Variants in NRBP2 observed in about 807,000 individuals in gnomAD.
The protein encoded by NRBP2 is nuclear receptor binding protein 2, also known as nuclear receptor-binding protein 2.
A neutral mutation model predicts 74.4 loss-of-function variants in NRBP2; 47 were observed. The observed-to-expected ratio is 0.63, with a 90% CI of 0.50 to 0.81. NRBP2 has a LOEUF of 0.81. Ranked by LOEUF, NRBP2 falls within the 30% of genes least tolerant of loss-of-function variation. The pLI is 0.00. For synonymous variants in NRBP2, 312 were observed against 273.8 expected (o/e 1.14, Z -1.38); for missense variants, 613 against 690.1 (o/e 0.89, Z 1.25).
At chr8:143,831,876 T>C (rs531635351), downstream of NRBP2, among the ~76,000 whole-genome samples, 69 of 152,340 alleles carry the variant, frequency 4.5e-4, 2 homozygotes, top group African/African-American at 1.6e-3. Context: ...TTCTTGGAAC[T>C]AGAAGAAAAT....
chr8:143,840,093 G>C lies in NRBP2; in HGVS notation c.252+14C>G, dbSNP rs1323794717. 1 of 1,536,032 alleles carries C rather than the reference G, an allele frequency of 6.5e-7. No homozygotes were observed. Among genetic ancestry groups the C allele is most frequent in the Non-Finnish European group, 8.7e-7 (1 of 1,146,906 alleles). On this transcript the variant is annotated intron_variant, in intron 2 of 17. Coordinates refer to ENST00000442628, the MANE Select transcript of NRBP2 (RefSeq NM_178564.4). This position sits in a 1 kb window ranked among gnomAD's most constrained non-coding sequence, Gnocchi z 5.7. ...GGTCACCCAAGCAGGATGAGGAGGGGGCAGCGGTCTCACCTCGTGCGCCGC... is the reference window on the plus strand; with the variant it reads ...GGTCACCCAAGCAGGATGAGGAGGGCGCAGCGGTCTCACCTCGTGCGCCGC...
In NRBP2 at chr8:143,839,206, G is replaced by A; in HGVS notation, c.581-11C>T. ...AGATTCGGTGCCACACTGCCAAGGG[G>A]CGGGAGAAAGAGTGGAGTTAGCTGC... On this transcript the variant is annotated splice_polypyrimidine_tract_variant and intron_variant, in intron 6 of 17. Coordinates refer to ENST00000442628, the MANE Select transcript of NRBP2 (RefSeq NM_178564.4). This position sits in a 1 kb window ranked among gnomAD's most constrained non-coding sequence, Gnocchi z 5.1. 1 of 1,531,452 alleles carries A rather than the reference G, an allele frequency of 6.5e-7. No individual in the cohort carries two copies. The highest frequency in any genetic ancestry group is 8.7e-7 in the Non-Finnish European group (1 of 1,143,514). The allele number at this position is 1,531,452 out of a possible 1,614,324, so 94.9% of individuals were successfully genotyped here. A position where few individuals can be genotyped will look rare whatever the true frequency, so the allele number is the denominator to read the frequency against.
At chr8:143,838,569 T>C (rs1294660190) in intron 10 of NRBP2, 111 bp downstream of exon 10, 1 of 768,742 alleles carries the variant, frequency 1.3e-6, no homozygotes, top group Non-Finnish European at 2.1e-6. Flanking sequence ...TCAGCTGGTA[T>C]ACCCCTCAAC....
chr8:143,829,886 C>T (rs939864974), downstream of NRBP2: 1 of 152,290 alleles, frequency 6.6e-6, no homozygotes. Flanking sequence ...AGTCGCTAGA[C>T]CCGCAGCCCG....
Position 143,837,649 on chromosome 8 carries a change from G to A in NRBP2, c.947C>T (p.Ala316Val). 2 of 1,598,854 alleles carry A rather than the reference G, an allele frequency of 1.3e-6. No individual in the cohort carries two copies. The highest frequency in any genetic ancestry group is 1.7e-6 in the Non-Finnish European group (2 of 1,172,986). ...CTGGTGCTGGATGAAGCAGTGGGCT[G>A]CCAGGAGCTTCAGCGAGTGCACCTC... ...LFEVHSLKLL[A>V]AHCFIQHQYL... Residue 316 changes from alanine (A) to valine (V), a missense_variant, in exon 11 of 18, where the codon GCA (alanine) becomes GTA (valine). By Grantham distance (64) the Ala-to-Val change is moderately conservative. This residue lies in a region of NRBP2 where 281 missense variants were observed against 260.9 expected (regional missense o/e 1.08). Transcript: ENST00000442628. The surrounding 1 kb of genome is among the most constrained non-coding windows in gnomAD (Gnocchi z 4.3).
At chr8:143,830,635 A>AGCCAGATCCCTGGCCTCGAAGCTC (rs1818120007), downstream of NRBP2, among the ~76,000 whole-genome samples, 1 of 152,258 alleles carries the variant, frequency 6.6e-6, no homozygotes. Context: ...AGAATGGCCC[A>AGCCAGATCCCTGGCCTCGAAGCTC]GCCAGATCCC....
chr8:143,830,382 G>A (rs1028990469), downstream of NRBP2, among the ~76,000 whole-genome samples: 1 of 152,252 alleles, frequency 6.6e-6, no homozygotes, highest in Non-Finnish European at 1.5e-5. Context: ...GGGGCTGGCA[G>A]GCACTGCAGT....
rs1818627448 is a variant in NRBP2, at chr8:143,840,080, A to G, written c.252+27T>C. ...GTGGTCAGCAGGTGGTCACCCAAGC[A>G]GGATGAGGAGGGGGCAGCGGTCTCA... On this transcript the variant is annotated intron_variant, in intron 2 of 17. Coordinates refer to ENST00000442628, the MANE Select transcript of NRBP2 (RefSeq NM_178564.4). The surrounding 1 kb of genome is among the most constrained non-coding windows in gnomAD (Gnocchi z 5.7). 2.0e-6 allele frequency: 3 copies of G among 1,536,146 alleles called. No homozygotes were observed. Among genetic ancestry groups the G allele is most frequent in the Non-Finnish European group, 2.6e-6 (3 of 1,146,904 alleles).
chr8:143,831,467 A>C (rs184252376), downstream of NRBP2, among the ~76,000 whole-genome samples: 194 of 152,320 alleles, frequency 1.3e-3, 2 homozygotes, highest in Non-Finnish European at 6.2e-4. Context: ...AGTAATTTTA[A>C]AAAACCAGCT....
In NRBP2 at chr8:143,838,660, G is replaced by A. The variant is rs782603145; in HGVS notation, c.840+20C>T. 2.0e-5 allele frequency: 31 copies of A among 1,578,008 alleles called. No homozygotes were observed. Among genetic ancestry groups the A allele is most frequent in the Non-Finnish European group, 6.1e-6 (7 of 1,155,646 alleles). On this transcript the variant is annotated intron_variant, in intron 10 of 17. Coordinates refer to ENST00000442628, the MANE Select transcript of NRBP2 (RefSeq NM_178564.4). Reference sequence around the variant, plus strand: ...TGAGCACGGTGAGCCAGCTGGGGAGGGGCAGGGCAAGCTGCTTACCCGCAT... The same window carrying A: ...TGAGCACGGTGAGCCAGCTGGGGAGAGGCAGGGCAAGCTGCTTACCCGCAT...
At position 143,840,363 on chromosome 8, in the gene NRBP2, G is replaced by T; in HGVS notation, c.130-134C>A. On this transcript the variant is annotated intron_variant, in intron 1 of 17. Coordinates refer to ENST00000442628, the MANE Select transcript of NRBP2 (RefSeq NM_178564.4). The surrounding 1 kb of genome is among the most constrained non-coding windows in gnomAD (Gnocchi z 5.7). ...CCTGAGCCACTCTGCGGGAAGGTGG[G>T]GCTTGGAGGGTAGCTGCCCCCAGGA... 1.6e-6 allele frequency: 2 copies of T among 1,224,590 alleles called. No individual in the cohort carries two copies. The highest frequency in any genetic ancestry group is 3.1e-5 in the South Asian group (2 of 65,128). The allele number at this position is 1,224,590 out of a possible 1,614,324, so 75.9% of individuals were successfully genotyped here. A position where few individuals can be genotyped will look rare whatever the true frequency, so the allele number is the denominator to read the frequency against.
In NRBP2 at chr8:143,835,498, A is replaced by C. The variant is rs1185502818; in HGVS notation, c.*164T>G. 3 of 697,712 alleles carry C rather than the reference A, an allele frequency of 4.3e-6. No individual in the cohort carries two copies. The highest frequency in any genetic ancestry group is 7.4e-6 in the Non-Finnish European group (3 of 406,988). 43.2% of individuals were successfully genotyped at this position (697,712 alleles called of 1,614,324 possible). A position where few individuals can be genotyped will look rare whatever the true frequency, so the allele number is the denominator to read the frequency against. On this transcript the variant is annotated 3_prime_UTR_variant, in exon 18 of 18. Transcript: ENST00000442628. This position sits in a 1 kb window ranked among gnomAD's most constrained non-coding sequence, Gnocchi z 4.9. ...CCACCCCCCAACCCCTCGGCGCCCA[A>C]GGCAGGGTCAGCCCCACTCTCAGGA... is the stretch of plus-strand genomic sequence containing the variant.
Position 143,835,825 on chromosome 8 carries a change from G to A in NRBP2, c.1432C>T (p.His478Tyr), listed in dbSNP as rs1554651443. 6.2e-7 allele frequency: 1 copy of A among 1,601,652 alleles called. No individual in the cohort carries two copies. The highest frequency in any genetic ancestry group is 8.5e-7 in the Non-Finnish European group (1 of 1,175,636). The stretch of plus-strand genomic sequence containing the variant: ...CGCCGCACCGCCCAGCGCACCTCGT[G>A]GAGGAAGCCATAGTGCACGAGCTCC... ...ASELVHYGFL[H>Y]EDDRMKLAAF... Residue 478 changes from histidine to tyrosine, a missense_variant, in exon 17 of 18, where the codon CAC becomes TAC. Around this residue, in one of 2 missense-constraint regions of NRBP2, gnomAD observed 281 missense variants for 260.9 expected, o/e 1.08. Coordinates refer to ENST00000442628, the MANE Select transcript of NRBP2 (RefSeq NM_178564.4). This position sits in a 1 kb window ranked among gnomAD's most constrained non-coding sequence, Gnocchi z 4.9.
In NRBP2 at chr8:143,840,805, C is replaced by A; in HGVS notation, c.30G>T (p.Arg10=). The A allele has an allele frequency of 6.7e-7, 1 of 1,499,056 alleles. No individual in the cohort carries two copies. The highest frequency in any genetic ancestry group is 8.9e-7 in the Non-Finnish European group (1 of 1,129,908). 92.9% of individuals were successfully genotyped at this position (1,499,056 alleles called of 1,614,324 possible). A position where few individuals can be genotyped will look rare whatever the true frequency, so the allele number is the denominator to read the frequency against. ...CCCGCTCCCGCTCCCGTTCCCGGGCCCGCCTCGGCGCCGGCTCCGGGGCCG... is the reference window on the plus strand; with the variant it reads ...CCCGCTCCCGCTCCCGTTCCCGGGCACGCCTCGGCGCCGGCTCCGGGGCCG... The part of the protein sequence containing the change: MAAPEPAPR[R]ARERERERED... The change falls in exon 1 of 18, where the codon CGG becomes CGT. Residue 10 remains arginine (R), a synonymous_variant. Transcript: ENST00000442628. The surrounding 1 kb of genome is among the most constrained non-coding windows in gnomAD (Gnocchi z 5.7).
chr8:143,835,758 G>T lies in NRBP2; in HGVS notation c.1438-28C>A. 2 of 1,594,860 alleles carry T rather than the reference G, an allele frequency of 1.3e-6. No individual in the cohort carries two copies. Among genetic ancestry groups the T allele is most frequent in the Non-Finnish European group, 1.7e-6 (2 of 1,172,904 alleles). The stretch of plus-strand genomic sequence containing the variant: ...GCGGAAGGAGGGAGGCATGGGGGAC[G>T]GAGGGGCGCGGCCTGCCCCGTGCGC... On this transcript the variant is annotated intron_variant, in intron 17 of 17. Coordinates refer to ENST00000442628, the MANE Select transcript of NRBP2 (RefSeq NM_178564.4). This position sits in a 1 kb window ranked among gnomAD's most constrained non-coding sequence, Gnocchi z 4.9.
chr8:143,832,392 C>G (rs1248570570), downstream of NRBP2, among the ~76,000 whole-genome samples: 1 of 152,004 alleles, frequency 6.6e-6, no homozygotes, highest in Non-Finnish European at 1.5e-5. Flanking sequence ...TGACCGTCCC[C>G]CAGCCCGACA....
Position 143,835,497 on chromosome 8 carries a change from A to C in NRBP2, c.*165T>G. The C allele has an allele frequency of 1.7e-3, 934 of 555,350 alleles. No homozygotes were observed. The highest frequency in any genetic ancestry group is 2.5e-3 in the East Asian group (62 of 24,850). 34.4% of individuals were successfully genotyped at this position (555,350 alleles called of 1,614,324 possible). On this transcript the variant is annotated 3_prime_UTR_variant, in exon 18 of 18. Transcript: ENST00000442628. The surrounding 1 kb of genome is among the most constrained non-coding windows in gnomAD (Gnocchi z 4.9). Reference sequence around the variant, plus strand: ...CCCACCCCCCAACCCCTCGGCGCCCAAGGCAGGGTCAGCCCCACTCTCAGG... The same window carrying C: ...CCCACCCCCCAACCCCTCGGCGCCCCAGGCAGGGTCAGCCCCACTCTCAGG...
chr8:143,837,257 C>G lies in NRBP2; in HGVS notation c.1119G>C (p.Glu373Asp), dbSNP rs782184124. The G allele has an allele frequency of 6.2e-7, 1 of 1,613,822 alleles. No homozygotes were observed. The highest frequency in any genetic ancestry group is 8.5e-7 in the Non-Finnish European group (1 of 1,179,958). ...VSFMELDKFL[E>D]DVRNGIYPLM... Reference sequence around the variant, plus strand: ...CTTACATCAGTTCTCACCTGACATCCTCCAGGAATTTGTCCAGCTCCATGA... The same window carrying G: ...CTTACATCAGTTCTCACCTGACATCGTCCAGGAATTTGTCCAGCTCCATGA... The change falls in exon 13 of 18, where the codon GAG (glutamate) becomes GAC (aspartate). Residue 373 changes from glutamate (E) to aspartate (D), a missense_variant. Around this residue, in one of 2 missense-constraint regions of NRBP2, gnomAD observed 281 missense variants for 260.9 expected, o/e 1.08. Coordinates refer to ENST00000442628, the MANE Select transcript of NRBP2 (RefSeq NM_178564.4). This position sits in a 1 kb window ranked among gnomAD's most constrained non-coding sequence, Gnocchi z 4.3.
At chr8:143,838,991 G>A (rs782383620) in intron 8 of NRBP2, 26 bp downstream of exon 8, 5 of 1,557,166 alleles carry the variant, frequency 3.2e-6, no homozygotes, top group Non-Finnish European at 4.3e-6. Context: ...GGTAGGCACG[G>A]GGCACCCGGA....
Sources: gnomAD v4.1 joint callset for allele counts (sites outside exome capture counted in the v4.1 genomes callset) on GRCh38, gnomAD v4.1.1 for gene constraint, gnomAD v4.1.1 regional missense constraint, Gnocchi (gnomAD v3.1) non-coding constraint, MANE v1.5 for transcripts, NCBI Gene and HGNC (gene_info 2026-07-23, HGNC 2026-07-21) for gene names.